Variants in PTPN22 observed in about 807,000 individuals in gnomAD.
The protein encoded by PTPN22 is protein tyrosine phosphatase non-receptor type 22.
PTPN22 carries 85 observed loss-of-function variants against 103.3 expected under a neutral mutation model. That is an observed-to-expected ratio of 0.82 (90% CI 0.69 to 0.99). The LOEUF is 0.99. Among genes scored for constraint, PTPN22 ranks in the 50% least tolerant of loss-of-function variants. The probability of loss-of-function intolerance (pLI) is 0.00; values close to 1 mark genes in which losing one functional copy is unlikely to be tolerated. For missense variants in PTPN22, 865 were observed against 936.9 expected (o/e 0.92, Z 1.00); for synonymous variants, 323 against 310.2 (o/e 1.04, Z -0.43).
chr1:113,864,403 AAAG>A (rs778530080), intron 1 of PTPN22: 1,908 of 131,076 alleles, frequency 0.015, 30 homozygotes, highest in South Asian at 0.03. Context: ...AAAAAAAAAA[AAAG>A]AAAGAAAAGA....
chr1:113,831,029 ATACT>A (rs1662502230), intron 16 of PTPN22, among the ~76,000 whole-genome samples: 1 of 152,190 alleles, frequency 6.6e-6, no homozygotes, highest in African/African-American at 2.4e-5. Context: ...CATTTAATAA[ATACT>A]TAATAACTAC....
At chr1:113,817,200 G>C (rs1035087265) in intron 20 of PTPN22, among the ~76,000 whole-genome samples, 2 of 152,130 alleles carry the variant, frequency 1.3e-5, no homozygotes, top group Non-Finnish European at 2.9e-5. Flanking sequence ...AGTGGACTAG[G>C]AATAGAGATA....
chr1:113,848,666 C>G (rs1558041841), intron 10 of PTPN22, 40 bp from the exon 11 acceptor site: 2 of 1,574,724 alleles, frequency 1.3e-6, no homozygotes, highest in African/African-American at 2.8e-5. Context: ...AAAACAAAAA[C>G]AAAAAAATTG....
chr1:113,819,383 T>A (rs980632483), intron 20 of PTPN22, 194 bp downstream of exon 20: 8 of 339,528 alleles, frequency 2.4e-5, no homozygotes, highest in Non-Finnish European at 4.2e-5. Context: ...CCACATATAC[T>A]AGATAATTTA....
At chr1:113,816,890 CAG>C (rs1349339954) in intron 20 of PTPN22, among the ~76,000 whole-genome samples, 1 of 151,962 alleles carries the variant, frequency 6.6e-6, no homozygotes, top group East Asian at 1.9e-4. Flanking sequence ...GCCTGGGTGA[CAG>C]AGCAAGACTC....
intron 15 of PTPN22, 102 bp downstream of exon 15, chr1:113,834,207 G>A: frequency 8.4e-7 from 1 of 1,196,650 alleles, no homozygotes. Context: ...TCTATATTTA[G>A]TATGTGCTTA....
chr1:113,833,854 A>G (rs1275911188), intron 15 of PTPN22, among the ~76,000 whole-genome samples: 1 of 152,218 alleles, frequency 6.6e-6, no homozygotes. Flanking sequence ...ATAACATATT[A>G]TCACAGCAAA....
intron 3 of PTPN22, 134 bp downstream of exon 3, chr1:113,858,868 C>A (rs56183603): frequency 2.1e-6 from 3 of 1,404,930 alleles, no homozygotes; most frequent in East Asian, 2.5e-5. Flanking sequence ...GAAATTCTTG[C>A]GTTCAAGTGA....
chr1:113,858,909 G>C (rs976650007), intron 3 of PTPN22, 93 bp downstream of exon 3: 95 of 1,510,902 alleles, frequency 6.3e-5, no homozygotes, highest in Non-Finnish European at 7.6e-5. Flanking sequence ...AAAGTGCTGG[G>C]ATTACAGGCA....
At chr1:113,867,753 A>G (rs1193238189) in intron 1 of PTPN22, among the ~76,000 whole-genome samples, 2 of 152,210 alleles carry the variant, frequency 1.3e-5, no homozygotes, top group Non-Finnish European at 2.9e-5. Context: ...TCAACTACAG[A>G]AAAGTTACTG....
At chr1:113,837,975 T>C (rs2101969592) in exon 13 of PTPN22, 1 of 1,614,144 alleles carries the variant, frequency 6.2e-7, no homozygotes, top group Non-Finnish European at 8.5e-7. Context: ...AATCATGTGG[T>C]TGAGATTCCA....
chr1:113,848,674 T>C, intron 10 of PTPN22, 48 bp from the exon 11 acceptor site: 1 of 1,562,780 alleles, frequency 6.4e-7, no homozygotes, highest in South Asian at 1.1e-5. Context: ...AACAAAAAAA[T>C]TGGTGAACGA....
At chr1:113,834,240 T>TA in intron 15 of PTPN22, 69 bp downstream of exon 15, 5 of 1,473,984 alleles carry the variant, frequency 3.4e-6, no homozygotes, top group Non-Finnish European at 4.7e-6. Context: ...TGATGGGTGT[T>TA]AAAAATACAA....
At chr1:113,852,027 C>G (rs768984918) in exon 10 of PTPN22, 1 of 1,599,936 alleles carries the variant, frequency 6.3e-7, no homozygotes, top group Non-Finnish European at 8.6e-7. Flanking sequence ...TAGTTCATAC[C>G]TGCGTTTGAA....
chr1:113,859,827 G>C (rs1665407775), intron 1 of PTPN22, among the ~76,000 whole-genome samples: 1 of 152,064 alleles, frequency 6.6e-6, no homozygotes, highest in Non-Finnish European at 1.5e-5. Context: ...ATGGTCAACT[G>C]GAAAATAATT....
chr1:113,829,663 C>T, exon 18 of PTPN22: 2 of 1,607,090 alleles, frequency 1.2e-6, no homozygotes, highest in Non-Finnish European at 1.7e-6. Context: ...TCCATGGTGT[C>T]AGGATAGCTA....
intron 3 of PTPN22, among the ~76,000 whole-genome samples, 160 bp from the exon 4 acceptor site, chr1:113,858,733 G>A (rs1220668693): frequency 1.1e-4 from 16 of 150,792 alleles, no homozygotes; most frequent in African/African-American, 3.2e-4. Context: ...TTGACCTCCT[G>A]GCTTCAGGCA....
At chr1:113,843,103 A>AAAAAAAAAAAAG (rs1663733408) in intron 11 of PTPN22, among the ~76,000 whole-genome samples, 1 of 145,718 alleles carries the variant, frequency 6.9e-6, no homozygotes, top group Non-Finnish European at 1.5e-5. Context: ...CCGTCTCAAA[A>AAAAAAAAAAAAG]AAAAAAAAAA....
At chr1:113,866,499 G>A (rs868697737) in intron 1 of PTPN22, among the ~76,000 whole-genome samples, 2 of 150,482 alleles carry the variant, frequency 1.3e-5, no homozygotes, top group Non-Finnish European at 1.5e-5. Context: ...GACAGAGTGA[G>A]ACTCCATCTC....
Sources: gnomAD v4.1 joint callset for allele counts (sites outside exome capture counted in the v4.1 genomes callset) on GRCh38, gnomAD v4.1.1 for gene constraint, MANE v1.5 for transcripts, NCBI Gene and HGNC (gene_info 2026-07-23, HGNC 2026-07-21) for gene names.